The following CHRNA7 variants were observed in gnomAD, a reference collection of about 807,000 sequenced individuals.
The protein encoded by CHRNA7 is neuronal acetylcholine receptor subunit alpha-7.
CHRNA7 carries 17 observed loss-of-function variants against 48.0 expected under a neutral mutation model. That is an observed-to-expected ratio of 0.35 (90% CI 0.24 to 0.53). The LOEUF is 0.53. Among genes scored for constraint, CHRNA7 ranks in the 20% least tolerant of loss-of-function variants. The probability of loss-of-function intolerance (pLI) is 0.92; values close to 1 mark genes in which losing one functional copy is unlikely to be tolerated. For synonymous variants in CHRNA7, 75 were observed against 242.3 expected, an observed-to-expected ratio of 0.31 and a Z score of 6.41; for missense variants, 155 against 577.7, an observed-to-expected ratio of 0.27 and a Z score of 7.50.
At chr15:32,114,588 G>A (rs1000353452) in intron 4 of CHRNA7, among the ~76,000 whole-genome samples, 1 of 152,186 alleles carries the variant, frequency 6.6e-6, no homozygotes, top group African/African-American at 2.4e-5. Flanking sequence ...TGGAATGTAG[G>A]ACTTTCTTTT....
chr15:32,116,937 T>C (rs1395565754), intron 4 of CHRNA7, among the ~76,000 whole-genome samples: 1 of 152,200 alleles, frequency 6.6e-6, no homozygotes, highest in East Asian at 1.9e-4. Flanking sequence ...CTGTGGCTGA[T>C]AGCAGAGGCT....
intron 4 of CHRNA7, among the ~76,000 whole-genome samples, chr15:32,146,020 C>A (rs1158920616): frequency 6.6e-6 from 1 of 152,124 alleles, no homozygotes; most frequent in Non-Finnish European, 1.5e-5. Flanking sequence ...AGCTGCAGAC[C>A]AGAGCTGTTC....
Position 32,047,484 on chromosome 15 carries a change from G to C in CHRNA7, c.195+16447G>C, listed in dbSNP as rs560903804. 1.7e-3 allele frequency among the ~76,000 whole-genome samples: 257 copies of C among 152,164 alleles called. 3 individuals are homozygous for C. Among genetic ancestry groups the C allele is most frequent in the South Asian group, 0.01 (49 of 4,794 alleles). On this transcript the variant is annotated intron_variant, in intron 2 of 9. Transcript: ENST00000306901. ...TTGGCTCTCTGTTTGTCTGTTATTG[G>C]TGTATAAGAATGCTTGTGATTTTTG...
At chr15:32,146,995 A>AG (rs2141349453) in intron 4 of CHRNA7, among the ~76,000 whole-genome samples, 1 of 152,344 alleles carries the variant, frequency 6.6e-6, no homozygotes, top group Non-Finnish European at 1.5e-5. Context: ...TTGCTGGGTC[A>AG]GGGATAGACA....
At chr15:32,124,206 T>G (rs2141303748) in intron 4 of CHRNA7, among the ~76,000 whole-genome samples, 1 of 152,300 alleles carries the variant, frequency 6.6e-6, no homozygotes, top group Middle Eastern at 3.4e-3. Flanking sequence ...AAAAACCATG[T>G]CTGCCAAATG....
intron 9 of CHRNA7, chr15:32,166,125 G>C (rs1378484995): frequency 6.6e-6 from 1 of 152,358 alleles, no homozygotes; most frequent in South Asian, 2.1e-4. Context: ...ACTGGGAAAG[G>C]CTAAACATGT....
At chr15:32,153,042 T>C (rs1595508575) in intron 4 of CHRNA7, among the ~76,000 whole-genome samples, 1 of 126,944 alleles carries the variant, frequency 7.9e-6, no homozygotes, top group Non-Finnish European at 1.7e-5. Flanking sequence ...TCACTCTCCT[T>C]CTTTTCATCG....
chr15:32,127,462 G>A (rs893756784), intron 4 of CHRNA7, among the ~76,000 whole-genome samples: 1 of 152,094 alleles, frequency 6.6e-6, no homozygotes, highest in African/African-American at 2.4e-5. Context: ...AGAATTTGGT[G>A]TTATCACTAT....
At chr15:32,033,801 C>G (rs551765346) in intron 2 of CHRNA7, among the ~76,000 whole-genome samples, 1 of 152,136 alleles carries the variant, frequency 6.6e-6, no homozygotes, top group Non-Finnish European at 1.5e-5. Context: ...CTGGACTGTT[C>G]TAGAGACCAT....
chr15:32,069,036 G>T (rs12593470), intron 2 of CHRNA7, among the ~76,000 whole-genome samples: 6,008 of 152,184 alleles, frequency 0.039, 144 homozygotes, highest in Middle Eastern at 0.099. Flanking sequence ...CTTGTTTCTT[G>T]TGTATAATTT....
intron 2 of CHRNA7, among the ~76,000 whole-genome samples, chr15:32,090,365 G>A (rs1362563680): frequency 6.6e-6 from 1 of 152,104 alleles, no homozygotes; most frequent in Admixed American, 6.5e-5. Flanking sequence ...TGAGAACCTG[G>A]TGGAGTTTCT....
chr15:32,085,793 C>T (rs917154870), intron 2 of CHRNA7, among the ~76,000 whole-genome samples: 5 of 152,236 alleles, frequency 3.3e-5, no homozygotes, highest in East Asian at 3.9e-4. Flanking sequence ...TACTCTTGGA[C>T]GGCAGTGTAG....
intron 4 of CHRNA7, among the ~76,000 whole-genome samples, chr15:32,148,416 C>T (rs2051538478): frequency 6.6e-6 from 1 of 152,120 alleles, no homozygotes; most frequent in Non-Finnish European, 1.5e-5. Flanking sequence ...AGTGTTGAGG[C>T]CTCCCGTGCT....
At chr15:32,050,153 T>C (rs1413148178) in intron 2 of CHRNA7, among the ~76,000 whole-genome samples, 1 of 152,208 alleles carries the variant, frequency 6.6e-6, no homozygotes, top group Non-Finnish European at 1.5e-5. Flanking sequence ...TGAGTATCTT[T>C]GTGGTGTTCT....
rs561757749 is a variant in CHRNA7 at position 32,030,711 on chromosome 15, C to T, written c.55+62C>T. ...GGGATCCCGGGCACATCCCGGGCGCCTCTGTGCGCCCCGCGCCTGGGCCAG... is the reference window on the plus strand; with the variant it reads ...GGGATCCCGGGCACATCCCGGGCGCTTCTGTGCGCCCCGCGCCTGGGCCAG... On this transcript the variant is annotated intron_variant, in intron 1 of 9. Transcript: ENST00000306901. 4.3e-5 allele frequency: 66 copies of T among 1,540,830 alleles called. No homozygotes were observed. In the African/African-American group the frequency reaches 8.4e-4, roughly 20 times the overall value.
chr15:32,061,219 C>T (rs1166459131), intron 2 of CHRNA7, among the ~76,000 whole-genome samples: 1 of 152,102 alleles, frequency 6.6e-6, no homozygotes, highest in Non-Finnish European at 1.5e-5. Context: ...CTCAGGAAAC[C>T]CCTTCACTTA....
At chr15:32,088,459 T>C (rs954143658) in intron 2 of CHRNA7, among the ~76,000 whole-genome samples, 3 of 152,176 alleles carry the variant, frequency 2.0e-5, no homozygotes, top group Non-Finnish European at 4.4e-5. Context: ...GGAATATAGT[T>C]GTTGTATCGT....
chr15:32,129,108 A>T (rs901396463), intron 4 of CHRNA7, among the ~76,000 whole-genome samples: 1 of 151,948 alleles, frequency 6.6e-6, no homozygotes, highest in Admixed American at 6.6e-5. Flanking sequence ...AACAAACTCT[A>T]CTTGGTCATG....
intron 4 of CHRNA7, among the ~76,000 whole-genome samples, chr15:32,138,706 A>G (rs1000036085): frequency 3.5e-5 from 5 of 142,460 alleles, no homozygotes; most frequent in Non-Finnish European, 7.9e-5. Flanking sequence ...CTCTCTCTGC[A>G]ATCCATGGCA....
Sources: gnomAD v4.1 joint callset for allele counts (sites outside exome capture counted in the v4.1 genomes callset) on GRCh38, gnomAD v4.1.1 for gene constraint, MANE v1.5 for transcripts, NCBI Gene and HGNC (gene_info 2026-07-23, HGNC 2026-07-21) for gene names.